The following CAGE1 variants were observed in gnomAD, a reference collection of about 807,000 sequenced individuals.
The protein encoded by CAGE1 is cancer-associated gene 1 protein.
A neutral mutation model predicts 94.9 loss-of-function variants in CAGE1; 66 were observed. That is an observed-to-expected ratio of 0.70 (90% confidence interval 0.57 to 0.85). The LOEUF is 0.85. Ranked by LOEUF, CAGE1 falls within the 40% of genes least tolerant of loss-of-function variation. The pLI, the probability that CAGE1 is intolerant of heterozygous loss-of-function variation, is 0.00. For missense variants in CAGE1, 865 were observed against 950.4 expected, an observed-to-expected ratio of 0.91 and a Z score of 1.18; for synonymous variants, 319 against 321.0, an observed-to-expected ratio of 0.99 and a Z score of 0.07.
At chr6:7,333,637 A>G (rs4992468) in intron 12 of CAGE1, among the ~76,000 whole-genome samples, 1 of 120,752 alleles carries the variant, frequency 8.3e-6, no homozygotes, top group African/African-American at 3.2e-5. Flanking sequence ...TATCTATCTA[A>G]CTATCTATAT....
Position 7,378,965 on chromosome 6 carries a change from G to C in CAGE1, c.339C>G (p.Ile113Met). 1 of 1,571,806 alleles carries C rather than the reference G, an allele frequency of 6.4e-7. No individual in the cohort carries two copies. The highest frequency in any genetic ancestry group is 8.6e-7 in the Non-Finnish European group (1 of 1,156,944). ...CAAATTGTCTCAAGGAAGATATGCTGATGGTGTCAACTGGCTGAATTAGTG... is the reference window on the plus strand; with the variant it reads ...CAAATTGTCTCAAGGAAGATATGCTCATGGTGTCAACTGGCTGAATTAGTG... Reference protein sequence around the residue: ...TNALIQPVDTISISSLRQFET... With the variant: ...TNALIQPVDTMSISSLRQFET... Residue 113 changes from isoleucine to methionine, a missense_variant, in exon 4 of 14, where the codon ATC becomes ATG. By Grantham distance (10) the Ile-to-Met change is conservative. Coordinates refer to ENST00000502583, the MANE Select transcript of CAGE1 (RefSeq NM_001170692.2).
intron 12 of CAGE1, among the ~76,000 whole-genome samples, chr6:7,333,044 G>A (rs574063251): frequency 1.2e-4 from 18 of 151,912 alleles, no homozygotes; most frequent in East Asian, 3.9e-4. Flanking sequence ...TCTGCCTCCC[G>A]GGTTCAAGCG....
chr6:7,356,190 T>C, intron 9 of CAGE1, 61 bp from the exon 10 acceptor site: 1 of 869,138 alleles, frequency 1.2e-6, no homozygotes, highest in Non-Finnish European at 1.8e-6. Context: ...TATATATGGA[T>C]GCCAAGAACA....
intron 9 of CAGE1, among the ~76,000 whole-genome samples, chr6:7,358,103 T>C (rs1561858208): frequency 1.5e-5 from 2 of 129,286 alleles, no homozygotes. Context: ...ATCAAGATAA[T>C]GAGTCTGCCC....
intron 12 of CAGE1, among the ~76,000 whole-genome samples, chr6:7,330,131 T>C (rs1256652777): frequency 6.6e-6 from 1 of 152,238 alleles, no homozygotes; most frequent in East Asian, 1.9e-4. Context: ...CTCACACCTG[T>C]AATCCCAGCA....
intron 9 of CAGE1, among the ~76,000 whole-genome samples, 158 bp downstream of exon 9, chr6:7,365,310 T>C (rs1224108993): frequency 1.3e-5 from 2 of 152,204 alleles, no homozygotes; most frequent in Non-Finnish European, 2.9e-5. Context: ...AATGCAAACT[T>C]CGATTCTATA....
intron 5 of CAGE1, 51 bp downstream of exon 5, chr6:7,373,022 A>G: frequency 3.8e-6 from 5 of 1,311,434 alleles, no homozygotes; most frequent in Non-Finnish European, 5.3e-6. Flanking sequence ...TCACTAGACC[A>G]CTAGAAACTC....
At chr6:7,356,947 C>T (rs548132398) in intron 9 of CAGE1, among the ~76,000 whole-genome samples, 4 of 152,082 alleles carry the variant, frequency 2.6e-5, no homozygotes, top group Non-Finnish European at 5.9e-5. Flanking sequence ...CAGGTGTGCG[C>T]CACCACGCCC....
chr6:7,345,478 A>AT (rs1267135019), intron 11 of CAGE1, among the ~76,000 whole-genome samples: 2 of 152,214 alleles, frequency 1.3e-5, no homozygotes, highest in Non-Finnish European at 2.9e-5. Context: ...TCCAGACACA[A>AT]AATGGCATAC....
Position 7,389,597 on chromosome 6 carries a change from C to A in CAGE1, c.-419G>T, listed in dbSNP as rs1313975103. On this transcript the variant is annotated 5_prime_UTR_variant, in exon 1 of 14. Transcript: ENST00000502583. ...CCTGTGGGCTAGCTGGCGCCTCCTG[C>A]CGCAGTAAACACAAAGTGGGGTACA... 2 of 337,312 alleles carry A rather than the reference C, an allele frequency of 5.9e-6. No individual in the cohort carries two copies. Among genetic ancestry groups the A allele is most frequent in the East Asian group, 1.5e-4 (2 of 13,546 alleles). 20.9% of individuals were successfully genotyped at this position (337,312 alleles called of 1,614,324 possible).
intron 11 of CAGE1, chr6:7,341,745 A>G (rs1759185860): frequency 1.4e-6 from 1 of 691,140 alleles, no homozygotes; most frequent in Non-Finnish European, 2.8e-6. Flanking sequence ...CCTCGCTTGG[A>G]TCACACAGAA....
intron 12 of CAGE1, chr6:7,331,697 G>T: frequency 5.7e-6 from 1 of 176,856 alleles, no homozygotes. Flanking sequence ...TCGAGGTGGT[G>T]CAGCTGGAGG....
At chr6:7,333,911 AC>A in intron 12 of CAGE1, 110 bp downstream of exon 12, 1 of 616,574 alleles carries the variant, frequency 1.6e-6, no homozygotes, top group Non-Finnish European at 2.8e-6. Context: ...CAGGTGATCC[AC>A]CCACCTTGGC....
At chr6:7,359,280 G>A (rs970668110) in intron 9 of CAGE1, among the ~76,000 whole-genome samples, 1 of 152,086 alleles carries the variant, frequency 6.6e-6, no homozygotes. Flanking sequence ...CTCCTGACCT[G>A]AGGTGATCCA....
intron 11 of CAGE1, among the ~76,000 whole-genome samples, chr6:7,343,347 C>T (rs1367201436): frequency 1.3e-5 from 2 of 152,078 alleles, no homozygotes; most frequent in Non-Finnish European, 2.9e-5. Context: ...CAAATGTTCA[C>T]CTTATTCTCT....
At position 7,373,949 on chromosome 6, in the gene CAGE1, C is replaced by T. The variant is rs1287818187; in HGVS notation, c.870G>A (p.Glu290=). The T allele has an allele frequency of 1.9e-6, 3 of 1,614,004 alleles. No homozygotes were observed. The highest frequency in any genetic ancestry group is 2.5e-6 in the Non-Finnish European group (3 of 1,179,888). Residue 290 remains glutamate, a synonymous_variant, in exon 5 of 14, where the codon GAG becomes GAA. Transcript: ENST00000502583. ...CAGGTTGTAAGCTTTCAGCACTTTG[C>T]TCCCAGTCAGGCATCTCACAGTTCT... ...CRENCEMPDW[E]QSAESLQPVQ...
rs552836675 is a variant in CAGE1, at chr6:7,354,987, G to A, written c.2369+54C>T. The A allele has an allele frequency of 5.8e-5, 73 of 1,252,218 alleles. No homozygotes were observed. In the African/African-American group the frequency reaches 9.3e-4, roughly 16 times the overall value. 77.6% of individuals were successfully genotyped at this position (1,252,218 alleles called of 1,614,324 possible). On this transcript the variant is annotated intron_variant, in intron 11 of 13. Coordinates refer to ENST00000502583, the MANE Select transcript of CAGE1 (RefSeq NM_001170692.2). The stretch of plus-strand genomic sequence containing the variant: ...TGAAAAAAAGAATTTAGAATCCAGA[G>A]AATAAGGTATTAGTAAATATTCACA...
intron 5 of CAGE1, among the ~76,000 whole-genome samples, chr6:7,371,773 C>T (rs1006371768): frequency 1.5e-4 from 23 of 152,136 alleles, no homozygotes; most frequent in Admixed American, 1.1e-3. Context: ...GGCGACAGAG[C>T]GAGACTCTGT....
At position 7,387,203 on chromosome 6, in the gene CAGE1, A is replaced by AG; in HGVS notation, c.-23-8_-23-7insC. The AG allele has an allele frequency of 1.3e-6, 2 of 1,513,416 alleles. No individual in the cohort carries two copies. Among genetic ancestry groups the AG allele is most frequent in the Non-Finnish European group, 1.8e-6 (2 of 1,118,130 alleles). The allele number at this position is 1,513,416 out of a possible 1,614,324, so 93.7% of individuals were successfully genotyped here. On this transcript the variant is annotated splice_polypyrimidine_tract_variant and splice_region_variant and intron_variant, in intron 1 of 13. Coordinates refer to ENST00000502583, the MANE Select transcript of CAGE1 (RefSeq NM_001170692.2). ...GTTGAACAATAGAAGACTTCTTTAA[A>AG]AAAAAAATGTGTCTATTAGTAGGTA...
Sources: gnomAD v4.1 joint callset for allele counts (sites outside exome capture counted in the v4.1 genomes callset) on GRCh38, gnomAD v4.1.1 for gene constraint, MANE v1.5 for transcripts, NCBI Gene and HGNC (gene_info 2026-07-23, HGNC 2026-07-21) for gene names.